Variants in USP13 observed in about 807,000 individuals in gnomAD.
USP13 encodes the protein ubiquitin carboxyl-terminal hydrolase 13.
Under a neutral mutation model 107.8 loss-of-function variants are expected in USP13, and 68 were observed. The observed-to-expected ratio is 0.63, with a 90% CI of 0.52 to 0.77. The LOEUF is 0.77. USP13 is among the 30% of genes least tolerant of loss of function. The probability of loss-of-function intolerance (pLI) is 0.00; values close to 1 mark genes in which losing one functional copy is unlikely to be tolerated. For missense variants in USP13, 945 were observed against 1,093.3 expected (o/e 0.86, Z 1.91); for synonymous variants, 377 against 389.5 (o/e 0.97, Z 0.38).
chr3:179,778,789 G>A lies in USP13; in HGVS notation c.2414-2950G>A, dbSNP rs547452878. Among the ~76,000 whole-genome samples, 393 of 151,888 alleles carry A rather than the reference G, an allele frequency of 2.6e-3. 3 individuals carry two copies. Among genetic ancestry groups the A allele is most frequent in the African/African-American group, 9.4e-3 (389 of 41,462 alleles). On this transcript the variant is annotated intron_variant, in intron 19 of 20. Transcript: ENST00000263966. ...CTCAAAGAAAAAAAAAAAAACGAAT[G>A]CGACATGGCAGGTGTTACTTTCTGC... is the stretch of plus-strand genomic sequence containing the variant.
chr3:179,771,390 G>C (rs943026861), intron 19 of USP13, among the ~76,000 whole-genome samples: 6 of 152,324 alleles, frequency 3.9e-5, no homozygotes, highest in African/African-American at 1.4e-4. Flanking sequence ...CCTGAGGGTG[G>C]AGACATCTTC....
chr3:179,665,847 A>G (rs527506628), intron 1 of USP13, among the ~76,000 whole-genome samples: 1 of 152,340 alleles, frequency 6.6e-6, no homozygotes, highest in Admixed American at 6.5e-5. Context: ...TGGCTTCTCA[A>G]AGTGCTGGGA....
At chr3:179,672,525 C>G (rs1179293598) in intron 1 of USP13, among the ~76,000 whole-genome samples, 1 of 151,306 alleles carries the variant, frequency 6.6e-6, no homozygotes, top group Non-Finnish European at 1.5e-5. Flanking sequence ...GCTGGGACTA[C>G]AGGTGTGTAC....
intron 1 of USP13, among the ~76,000 whole-genome samples, chr3:179,656,305 A>G (rs566395132): frequency 2.8e-4 from 42 of 152,324 alleles, no homozygotes; most frequent in African/African-American, 9.6e-4. Context: ...TTTGATCTTG[A>G]TTTTATATGG....
intron 18 of USP13, among the ~76,000 whole-genome samples, chr3:179,765,426 A>C (rs1715141046): frequency 6.6e-6 from 1 of 152,242 alleles, no homozygotes; most frequent in African/African-American, 2.4e-5. Flanking sequence ...CTGAGCTAAC[A>C]TTGATATAAA....
At chr3:179,731,425 A>T (rs768267718) in intron 10 of USP13, among the ~76,000 whole-genome samples, 6 of 152,118 alleles carry the variant, frequency 3.9e-5, no homozygotes, top group Non-Finnish European at 7.4e-5. Flanking sequence ...CAAACAAAAA[A>T]CAACACATAG....
chr3:179,684,896 T>TA (rs1711814058), intron 2 of USP13, among the ~76,000 whole-genome samples: 1 of 152,110 alleles, frequency 6.6e-6, no homozygotes, highest in African/African-American at 2.4e-5. Flanking sequence ...TCATCTAGCT[T>TA]AAAAAATCCT....
At chr3:179,699,482 T>C (rs914208087) in intron 3 of USP13, among the ~76,000 whole-genome samples, 5 of 151,846 alleles carry the variant, frequency 3.3e-5, no homozygotes, top group Non-Finnish European at 5.9e-5. Flanking sequence ...GATGCTGAGG[T>C]GGGGGGATTG....
Position 179,787,439 on chromosome 3 carries a change from G to A in USP13, c.*3298G>A, listed in dbSNP as rs182106680. 19 of 152,290 alleles carry A rather than the reference G, an allele frequency of 1.2e-4. No homozygotes were observed. The East Asian group carries it at 3.7e-3, about 29-fold the overall frequency. 9.4% of individuals were successfully genotyped at this position (152,290 alleles called of 1,614,324 possible). On this transcript the variant is annotated 3_prime_UTR_variant, in exon 21 of 21. Coordinates refer to ENST00000263966, the MANE Select transcript of USP13 (RefSeq NM_003940.3). ...TTATTTTCCTGTGGTTACCACTAGGGTCTGACACGTAAAATGTGAGGGATC... is the reference window on the plus strand; with the variant it reads ...TTATTTTCCTGTGGTTACCACTAGGATCTGACACGTAAAATGTGAGGGATC...
At chr3:179,667,363 C>G (rs1180241613) in intron 1 of USP13, among the ~76,000 whole-genome samples, 2 of 152,100 alleles carry the variant, frequency 1.3e-5, no homozygotes, top group Non-Finnish European at 2.9e-5. Flanking sequence ...TCATGTTTAT[C>G]AGGGGGATTT....
chr3:179,688,194 A>C (rs13059400), intron 2 of USP13, among the ~76,000 whole-genome samples: 739 of 48,082 alleles, frequency 0.015, 1 homozygote, highest in South Asian at 0.041. Flanking sequence ...TCCATTCATC[A>C]ATCCATCCAT....
At chr3:179,729,043 T>A (rs1219162501) in intron 8 of USP13, among the ~76,000 whole-genome samples, 1 of 151,954 alleles carries the variant, frequency 6.6e-6, no homozygotes, top group East Asian at 1.9e-4. Flanking sequence ...ACCCAAACAC[T>A]TGTTAAAGAT....
rs1711542768 is a variant in USP13 at position 179,678,476 on chromosome 3, C to CT, written c.169-3401dup. ...TTATAATTATAAGCTTTTTTGGATG[C>CT]TATTTTTTTTTTTTGAGACAGGGTC... is the stretch of plus-strand genomic sequence containing the variant. On this transcript the variant is annotated intron_variant, in intron 1 of 20. Coordinates refer to ENST00000263966, the MANE Select transcript of USP13 (RefSeq NM_003940.3). The surrounding 1 kb of genome is among the most constrained non-coding windows in gnomAD (Gnocchi z 4.2). Among the ~76,000 whole-genome samples the CT allele has an allele frequency of 7.6e-6, 1 of 131,770 alleles. No individual in the cohort carries two copies. The highest frequency in any genetic ancestry group is 7.5e-5 in the Admixed American group (1 of 13,418). The allele number at this position is 131,770 out of a possible 152,430, so 86.4% of individuals were successfully genotyped here.
chr3:179,653,717 G>T lies in USP13; in HGVS notation c.168+324G>T, dbSNP rs1720165907. On this transcript the variant is annotated intron_variant, in intron 1 of 20. Coordinates refer to ENST00000263966, the MANE Select transcript of USP13 (RefSeq NM_003940.3). This position sits in a 1 kb window ranked among gnomAD's most constrained non-coding sequence, Gnocchi z 4.0. ...TGTTCCGAACTGCACGTTGCAGATCGTTTGCGTCCTCCGCGGGGCAGAGCG... is the reference window on the plus strand; with the variant it reads ...TGTTCCGAACTGCACGTTGCAGATCTTTTGCGTCCTCCGCGGGGCAGAGCG... 1 of 255,702 alleles carries T rather than the reference G, an allele frequency of 3.9e-6. No homozygotes were observed. Among genetic ancestry groups the T allele is most frequent in the South Asian group, 6.8e-5 (1 of 14,726 alleles). 15.8% of individuals were successfully genotyped at this position (255,702 alleles called of 1,614,324 possible). A position where few individuals can be genotyped will look rare whatever the true frequency, so the allele number is the denominator to read the frequency against.
intron 4 of USP13, among the ~76,000 whole-genome samples, chr3:179,704,513 C>T (rs1254447856): frequency 6.6e-6 from 1 of 152,150 alleles, no homozygotes; most frequent in Non-Finnish European, 1.5e-5. Context: ...AAATTAGATC[C>T]TATCCTTCTT....
At position 179,653,539 on chromosome 3, in the gene USP13, A is replaced by G; in HGVS notation, c.168+146A>G. On this transcript the variant is annotated intron_variant, in intron 1 of 20. Transcript: ENST00000263966. This position sits in a 1 kb window ranked among gnomAD's most constrained non-coding sequence, Gnocchi z 4.0. ...TCAGGAACACTGCAGTTCGGCAGACACTTAGTGAGCGCCCCAGGGCTGCTG... is the reference window on the plus strand; with the variant it reads ...TCAGGAACACTGCAGTTCGGCAGACGCTTAGTGAGCGCCCCAGGGCTGCTG... 4.3e-6 allele frequency: 5 copies of G among 1,171,536 alleles called. No individual in the cohort carries two copies. The highest frequency in any genetic ancestry group is 5.9e-6 in the Non-Finnish European group (5 of 850,266). The allele number at this position is 1,171,536 out of a possible 1,614,324, so 72.6% of individuals were successfully genotyped here. A position where few individuals can be genotyped will look rare whatever the true frequency, so the allele number is the denominator to read the frequency against.
At chr3:179,764,268 T>C in intron 18 of USP13, 100 bp downstream of exon 18, 1 of 1,444,360 alleles carries the variant, frequency 6.9e-7, no homozygotes, top group Non-Finnish European at 9.1e-7. Context: ...TCATTTTGAT[T>C]CATGTTTGAT....
chr3:179,783,986 T>C, intron 20 of USP13, 62 bp from the exon 21 acceptor site: 1 of 1,373,902 alleles, frequency 7.3e-7, no homozygotes, highest in Non-Finnish European at 1.0e-6. Context: ...TTTAGTGACT[T>C]CTTTGTGTAA....
At chr3:179,671,371 A>T (rs1033392472) in intron 1 of USP13, among the ~76,000 whole-genome samples, 6 of 152,148 alleles carry the variant, frequency 3.9e-5, no homozygotes, top group African/African-American at 1.4e-4. Context: ...CAGTTAAAAA[A>T]CTTTTATTTA....
Sources: gnomAD v4.1 joint callset for allele counts (sites outside exome capture counted in the v4.1 genomes callset) on GRCh38, gnomAD v4.1.1 for gene constraint, Gnocchi (gnomAD v3.1) non-coding constraint, MANE v1.5 for transcripts, NCBI Gene and HGNC (gene_info 2026-07-23, HGNC 2026-07-21) for gene names.